The following ENPP1 variants were observed in gnomAD, a reference collection of about 807,000 sequenced individuals.
ENPP1 encodes the protein ectonucleotide pyrophosphatase/phosphodiesterase 1.
A neutral mutation model predicts 122.8 loss-of-function variants in ENPP1; 73 were observed. That is an observed-to-expected ratio of 0.59 (90% CI 0.49 to 0.72). ENPP1 has a LOEUF of 0.72. Among genes scored for constraint, ENPP1 ranks in the 30% least tolerant of loss-of-function variants. ENPP1 has a pLI of 0.00. For synonymous variants in ENPP1, 367 were observed against 391.6 expected (o/e 0.94, Z 0.74); for missense variants, 978 against 1,128.1 (o/e 0.87, Z 1.91).
intron 6 of ENPP1, among the ~76,000 whole-genome samples, chr6:131,855,904 T>C (rs2114697214): frequency 1.3e-5 from 2 of 152,282 alleles, no homozygotes; most frequent in South Asian, 4.1e-4. Flanking sequence ...AATGTAATAC[T>C]GGACTAAAAT....
rs1782488518 is a variant in ENPP1 at position 131,892,814 on chromosome 6, G to A, written c.*2303G>A. 1 of 152,142 alleles carries A rather than the reference G, an allele frequency of 6.6e-6. No individual in the cohort carries two copies. Among genetic ancestry groups the A allele is most frequent in the South Asian group, 2.1e-4 (1 of 4,826 alleles). The allele number at this position is 152,142 out of a possible 1,614,324, so 9.4% of individuals were successfully genotyped here. A position where few individuals can be genotyped will look rare whatever the true frequency, so the allele number is the denominator to read the frequency against. On this transcript the variant is annotated 3_prime_UTR_variant, in exon 25 of 25. Transcript: ENST00000647893. Reference sequence around the variant, plus strand: ...GGGTGGGGCCATGGTGTTTTTCCATGGTGTTTGGTTGGAGTACAGCCTTTT... The same window carrying A: ...GGGTGGGGCCATGGTGTTTTTCCATAGTGTTTGGTTGGAGTACAGCCTTTT...
chr6:131,851,771 T>A (rs1025791479), intron 4 of ENPP1, among the ~76,000 whole-genome samples: 52 of 152,272 alleles, frequency 3.4e-4, no homozygotes, highest in African/African-American at 1.1e-3. Context: ...TATTATTATT[T>A]TTTTTTCAAA....
rs1449276430 is a variant in ENPP1, at chr6:131,893,442, T to G, written c.*2931T>G. 1.3e-5 allele frequency: 2 copies of G among 152,246 alleles called. No individual in the cohort carries two copies. Among genetic ancestry groups the G allele is most frequent in the Non-Finnish European group, 2.9e-5 (2 of 68,062 alleles). The allele number at this position is 152,246 out of a possible 1,614,324, so 9.4% of individuals were successfully genotyped here. A position where few individuals can be genotyped will look rare whatever the true frequency, so the allele number is the denominator to read the frequency against. On this transcript the variant is annotated 3_prime_UTR_variant, in exon 25 of 25. Coordinates refer to ENST00000647893, the MANE Select transcript of ENPP1 (RefSeq NM_006208.3). The stretch of plus-strand genomic sequence containing the variant: ...GCTTCCCAGCCTTGGGGCTAAGGCT[T>G]GTAGGGTGAATTGGAACTTTTCAGA...
intron 23 of ENPP1, among the ~76,000 whole-genome samples, chr6:131,886,253 T>C (rs1388432507): frequency 6.6e-6 from 1 of 152,210 alleles, no homozygotes; most frequent in East Asian, 1.9e-4. Context: ...TCATAGGTGT[T>C]CAAAAATGAC....
chr6:131,869,554 C>T, intron 13 of ENPP1, 65 bp downstream of exon 13: 1 of 1,530,712 alleles, frequency 6.5e-7, no homozygotes, highest in Non-Finnish European at 9.0e-7. Flanking sequence ...TTAGGCCGGG[C>T]ACAGTGGCTC....
intron 9 of ENPP1, among the ~76,000 whole-genome samples, chr6:131,863,396 A>T (rs1782047429): frequency 1.3e-5 from 2 of 152,210 alleles, no homozygotes; most frequent in Admixed American, 6.5e-5. Flanking sequence ...GATTACCGAA[A>T]TAATTTTATT....
intron 13 of ENPP1, 109 bp downstream of exon 13, chr6:131,869,598 G>A (rs1447922653): frequency 6.3e-6 from 7 of 1,115,402 alleles, no homozygotes; most frequent in Non-Finnish European, 9.5e-6. Flanking sequence ...GGAGGCCAAA[G>A]TGGGTGGATC....
rs759825411 is a variant in ENPP1 at position 131,847,785 on chromosome 6, G to A, written c.250G>A (p.Val84Ile). Residue 84 changes from valine (V) to isoleucine (I), a missense_variant, in exon 2 of 25, where the codon GTA becomes ATA. Val to Ile is a conservative substitution (Grantham distance 29). Around this residue, in one of 3 missense-constraint regions of ENPP1, gnomAD observed 330 missense variants for 328.5 expected, o/e 1.00. Coordinates refer to ENST00000647893, the MANE Select transcript of ENPP1 (RefSeq NM_006208.3). The stretch of plus-strand genomic sequence containing the variant: ...TCTTTTCTCCCTACAGGTATTGTCA[G>A]TATGTGTGTTAACAACAATACTTGG... ...TYKVLSLVLS[V>I]CVLTTILGCI... is the part of the protein sequence containing the mutation. 1 of 1,608,400 alleles carries A rather than the reference G, an allele frequency of 6.2e-7. No homozygotes were observed. The highest frequency in any genetic ancestry group is 8.5e-7 in the Non-Finnish European group (1 of 1,176,172).
At chr6:131,817,941 T>G (rs1341425813) in intron 1 of ENPP1, among the ~76,000 whole-genome samples, 1 of 152,126 alleles carries the variant, frequency 6.6e-6, no homozygotes, top group African/African-American at 2.4e-5. Flanking sequence ...TTGCACAGAC[T>G]TAGCTGGCAA....
chr6:131,814,812 A>T (rs940018805), intron 1 of ENPP1, among the ~76,000 whole-genome samples: 1 of 152,180 alleles, frequency 6.6e-6, no homozygotes, highest in South Asian at 2.1e-4. Flanking sequence ...TATTTGTTTC[A>T]CATGTTCTAA....
rs763803770 is a variant in ENPP1, at chr6:131,852,190, T to A, written c.572T>A (p.Val191Glu). The change falls in exon 5 of 25, where the codon GTA becomes GAA. Residue 191 changes from valine (V) to glutamate (E), a missense_variant. Physicochemically the swap from Val to Glu is moderately radical, Grantham distance 121. This residue lies in a region of ENPP1 where 330 missense variants were observed against 328.5 expected (regional missense o/e 1.00). Coordinates refer to ENST00000647893, the MANE Select transcript of ENPP1 (RefSeq NM_006208.3). ...AATATTTTAGGTGAGAAAAGTTGGGTAGAAGAACCATGTGAGAGCATTAAT... is the reference window on the plus strand; with the variant it reads ...AATATTTTAGGTGAGAAAAGTTGGGAAGAAGAACCATGTGAGAGCATTAAT... ...SSVCQGEKSW[V>E]EEPCESINEP... is the part of the protein sequence containing the mutation. 1.2e-6 allele frequency: 2 copies of A among 1,604,918 alleles called. No individual in the cohort carries two copies. Among genetic ancestry groups the A allele is most frequent in the Admixed American group, 3.3e-5 (2 of 59,976 alleles).
At chr6:131,882,228 A>G in intron 20 of ENPP1, 117 bp from the exon 21 acceptor site, 4 of 810,026 alleles carry the variant, frequency 4.9e-6, no homozygotes, top group Non-Finnish European at 8.2e-6. Flanking sequence ...AGGGAAGGAC[A>G]TGAGCTGACA....
intron 24 of ENPP1, among the ~76,000 whole-genome samples, chr6:131,887,469 C>T (rs13198896): frequency 0.045 from 6,236 of 138,566 alleles, 183 homozygotes; most frequent in African/African-American, 0.091. Context: ...CTCGGCTCAC[C>T]GCAAGCTCCG....
At chr6:131,873,198 A>C in intron 15 of ENPP1, 148 bp downstream of exon 15, 2 of 971,182 alleles carry the variant, frequency 2.1e-6, no homozygotes, top group Non-Finnish European at 3.3e-6. Context: ...ATGTCGGCCT[A>C]TGGATGTTTG....
At chr6:131,810,693 C>G (rs1311420866) in intron 1 of ENPP1, among the ~76,000 whole-genome samples, 1 of 152,202 alleles carries the variant, frequency 6.6e-6, no homozygotes, top group East Asian at 1.9e-4. Flanking sequence ...CTCAGCTACA[C>G]TGTTTTAATT....
chr6:131,862,904 CTG>C (rs201862949), intron 9 of ENPP1, among the ~76,000 whole-genome samples: 1 of 150,726 alleles, frequency 6.6e-6, no homozygotes, highest in Admixed American at 6.6e-5. Context: ...GTTTTTTTTT[CTG>C]TGTGTGTGTT....
intron 7 of ENPP1, 101 bp from the exon 8 acceptor site, chr6:131,860,286 T>C (rs1202372406): frequency 2.2e-6 from 2 of 910,648 alleles, no homozygotes; most frequent in African/African-American, 1.7e-5. Context: ...TATAATTCCA[T>C]GTAGCTTCAG....
At chr6:131,827,768 C>A in intron 1 of ENPP1, 2 of 763,700 alleles carry the variant, frequency 2.6e-6, no homozygotes, top group Non-Finnish European at 4.7e-6. Context: ...CTTTCTATAC[C>A]AGCTGACTCC....
chr6:131,843,451 A>G (rs761526628), intron 1 of ENPP1, among the ~76,000 whole-genome samples: 1 of 152,186 alleles, frequency 6.6e-6, no homozygotes, highest in Non-Finnish European at 1.5e-5. Context: ...TATATAAACC[A>G]TGTGTATTTT....
Sources: allele counts gnomAD v4.1 joint callset (sites outside exome capture counted in the v4.1 genomes callset), GRCh38; gene constraint gnomAD v4.1.1; regional missense constraint gnomAD v4.1.1; transcripts MANE v1.5; gene names NCBI Gene and HGNC (gene_info 2026-07-23, HGNC 2026-07-21).